GMDS: variants seen among roughly 807,000 people sequenced by gnomAD.
The protein encoded by GMDS is GDP-mannose 4,6 dehydratase.
Under a neutral mutation model 49.9 loss-of-function variants are expected in GMDS, and 20 were observed. That is an observed-to-expected ratio of 0.40 (90% CI 0.28 to 0.58). GMDS has a LOEUF of 0.58. Among genes scored for constraint, GMDS ranks in the 20% least tolerant of loss-of-function variants. The probability of loss-of-function intolerance (pLI) is 0.42; values close to 1 mark genes in which losing one functional copy is unlikely to be tolerated. For synonymous variants in GMDS, 177 were observed against 178.6 expected (o/e 0.99, Z 0.07); for missense variants, 362 against 481.4 (o/e 0.75, Z 2.32).
intron 7 of GMDS, among the ~76,000 whole-genome samples, chr6:1,786,866 A>G (rs1769344739): frequency 6.6e-6 from 1 of 152,204 alleles, no homozygotes; most frequent in Non-Finnish European, 1.5e-5. Context: ...GAACAAAAGA[A>G]TGACTACCAG....
At chr6:2,142,868 T>C (rs1273436407) in intron 1 of GMDS, among the ~76,000 whole-genome samples, 3 of 152,072 alleles carry the variant, frequency 2.0e-5, no homozygotes, top group Non-Finnish European at 4.4e-5. Context: ...TTCTCTGGGG[T>C]CCATCATCCA....
In GMDS at chr6:1,989,499, C is replaced by T. The variant is rs184394285; in HGVS notation, c.346-28533G>A. Among the ~76,000 whole-genome samples, 28 of 152,308 alleles carry T rather than the reference C, an allele frequency of 1.8e-4. No individual in the cohort carries two copies. The East Asian group carries it at 4.4e-3, about 24-fold the overall frequency. Reference sequence around the variant, plus strand: ...TTCACATGTTCATATTTTCACCCAGCGTGACACTTCACATTTAAATTCAAG... The same window carrying T: ...TTCACATGTTCATATTTTCACCCAGTGTGACACTTCACATTTAAATTCAAG... On this transcript the variant is annotated intron_variant, in intron 4 of 10. Coordinates refer to ENST00000380815, the MANE Select transcript of GMDS (RefSeq NM_001500.4).
At chr6:1,850,288 G>C (rs542493010) in intron 7 of GMDS, among the ~76,000 whole-genome samples, 1 of 152,306 alleles carries the variant, frequency 6.6e-6, no homozygotes, top group South Asian at 2.1e-4. Context: ...CCCAGGTTCT[G>C]CTCATTAGAA....
chr6:2,054,281 C>T (rs1770654778), intron 4 of GMDS, among the ~76,000 whole-genome samples: 1 of 152,060 alleles, frequency 6.6e-6, no homozygotes. Flanking sequence ...AAATTGCCCA[C>T]ATATAGTAAC....
At chr6:1,765,950 G>A (rs576760476) in intron 7 of GMDS, among the ~76,000 whole-genome samples, 3 of 152,136 alleles carry the variant, frequency 2.0e-5, no homozygotes, top group Non-Finnish European at 4.4e-5. Context: ...AAAGCAAAGG[G>A]CTGAGGATGT....
At chr6:1,663,047 T>C (rs1764130043) in intron 9 of GMDS, among the ~76,000 whole-genome samples, 1 of 152,258 alleles carries the variant, frequency 6.6e-6, no homozygotes, top group Non-Finnish European at 1.5e-5. Flanking sequence ...GTTTCAAATA[T>C]GACATTTCTT....
At chr6:2,126,020 T>A (rs906071975) in intron 1 of GMDS, among the ~76,000 whole-genome samples, 2 of 152,218 alleles carry the variant, frequency 1.3e-5, no homozygotes, top group Non-Finnish European at 2.9e-5. Flanking sequence ...AACTGGTTCT[T>A]AATAATTATT....
intron 4 of GMDS, among the ~76,000 whole-genome samples, chr6:2,038,144 G>A (rs1769415103): frequency 1.3e-5 from 2 of 152,086 alleles, no homozygotes; most frequent in African/African-American, 4.8e-5. Flanking sequence ...CCTTTTCATT[G>A]AAGATCGCCC....
At chr6:1,868,978 T>C (rs907774037) in intron 7 of GMDS, among the ~76,000 whole-genome samples, 4 of 152,196 alleles carry the variant, frequency 2.6e-5, no homozygotes, top group African/African-American at 9.7e-5. Flanking sequence ...AGTGAAATAA[T>C]AAAGTGCAAA....
intron 7 of GMDS, among the ~76,000 whole-genome samples, chr6:1,908,190 G>C (rs1462923966): frequency 6.6e-6 from 1 of 152,198 alleles, no homozygotes; most frequent in African/African-American, 2.4e-5. Flanking sequence ...AATGGTTCAC[G>C]TCCGGGCAGA....
intron 4 of GMDS, among the ~76,000 whole-genome samples, chr6:1,990,113 A>G (rs1398559183): frequency 1.3e-5 from 2 of 152,146 alleles, no homozygotes; most frequent in Non-Finnish European, 2.9e-5. Context: ...TGGCTAATAC[A>G]GTGAAACCCC....
At chr6:1,630,358 C>T (rs1762962569) in intron 9 of GMDS, among the ~76,000 whole-genome samples, 2 of 152,240 alleles carry the variant, frequency 1.3e-5, no homozygotes, top group Admixed American at 6.5e-5. Flanking sequence ...TGTTCCTTTC[C>T]CCAGACCAGG....
chr6:1,981,825 ACAAT>A (rs1223379215), intron 4 of GMDS, among the ~76,000 whole-genome samples: 1 of 152,234 alleles, frequency 6.6e-6, no homozygotes, highest in Non-Finnish European at 1.5e-5. Flanking sequence ...TTTATCCACT[ACAAT>A]CAAGTTGGCT....
At chr6:1,950,772 T>G (rs1318473280) in intron 6 of GMDS, among the ~76,000 whole-genome samples, 1 of 152,214 alleles carries the variant, frequency 6.6e-6, no homozygotes, top group Non-Finnish European at 1.5e-5. Context: ...TTCACACAGA[T>G]TCTGCAAGCA....
Position 2,080,690 on chromosome 6 carries a change from C to A in GMDS, c.345+35081G>T, listed in dbSNP as rs182604425. On this transcript the variant is annotated intron_variant, in intron 4 of 10. Coordinates refer to ENST00000380815, the MANE Select transcript of GMDS (RefSeq NM_001500.4). ...GGTGGCAGGTAAGTCAGTCTTCAGGCCCCATGATAGCAGCAGTGGGTTGAG... is the reference window on the plus strand; with the variant it reads ...GGTGGCAGGTAAGTCAGTCTTCAGGACCCATGATAGCAGCAGTGGGTTGAG... 2.6e-5 allele frequency among the ~76,000 whole-genome samples: 4 copies of A among 152,220 alleles called. No individual in the cohort carries two copies. The East Asian group carries it at 7.7e-4, about 29-fold the overall frequency.
chr6:1,974,437 C>T (rs1764782597), intron 4 of GMDS, among the ~76,000 whole-genome samples: 1 of 152,124 alleles, frequency 6.6e-6, no homozygotes, highest in Non-Finnish European at 1.5e-5. Flanking sequence ...CAACCAGATA[C>T]AGAGAGAAGG....
intron 1 of GMDS, among the ~76,000 whole-genome samples, chr6:2,222,576 T>C (rs188127209): frequency 8.8e-4 from 134 of 152,308 alleles, no homozygotes; most frequent in Non-Finnish European, 7.4e-4. Context: ...AAAGGGGGAA[T>C]ACTGTAATAG....
chr6:1,627,996 C>T (rs1001396835), intron 9 of GMDS, among the ~76,000 whole-genome samples: 1 of 152,228 alleles, frequency 6.6e-6, no homozygotes, highest in East Asian at 1.9e-4. Flanking sequence ...TCTCCGTCCA[C>T]ACAGCCCTCC....
intron 4 of GMDS, among the ~76,000 whole-genome samples, chr6:2,047,139 T>C (rs1250754142): frequency 1.3e-5 from 2 of 152,220 alleles, no homozygotes; most frequent in Non-Finnish European, 2.9e-5. Context: ...CTTGACTATA[T>C]ACTAAAGTCA....
Sources: allele counts gnomAD v4.1 joint callset (sites outside exome capture counted in the v4.1 genomes callset), GRCh38; gene constraint gnomAD v4.1.1; transcripts MANE v1.5; gene names NCBI Gene and HGNC (gene_info 2026-07-23, HGNC 2026-07-21).